The following SPATA17 variants were observed in gnomAD, a reference collection of about 807,000 sequenced individuals.
The protein encoded by SPATA17 is spermatogenesis associated 17.
SPATA17 carries 53 observed loss-of-function variants against 62.2 expected under a neutral mutation model. That is an observed-to-expected ratio of 0.85 (90% CI 0.68 to 1.07). The LOEUF is 1.07. Among genes scored for constraint, SPATA17 ranks in the 50% least tolerant of loss-of-function variants. The pLI is 0.00. For synonymous variants in SPATA17, 146 were observed against 146.8 expected, an observed-to-expected ratio of 0.99 and a Z score of 0.04; for missense variants, 466 against 425.5, an observed-to-expected ratio of 1.10 and a Z score of -0.84.
At chr1:217,705,812 C>T (rs1671720867) in intron 5 of SPATA17, among the ~76,000 whole-genome samples, 2 of 152,100 alleles carry the variant, frequency 1.3e-5, no homozygotes, top group South Asian at 4.1e-4. Context: ...GCATCTTATC[C>T]AGAATGGTAT....
chr1:217,819,627 T>C (rs143606975), intron 9 of SPATA17, among the ~76,000 whole-genome samples: 1 of 152,194 alleles, frequency 6.6e-6, no homozygotes, highest in African/African-American at 2.4e-5. Flanking sequence ...TCTCTCCCCT[T>C]GCATTTTACA....
chr1:217,766,720 CTT>C (rs71167423), intron 6 of SPATA17, among the ~76,000 whole-genome samples: 59,712 of 131,216 alleles, frequency 0.46, 13,468 homozygotes, highest in Non-Finnish European at 0.57. Context: ...ATATCGTTCT[CTT>C]TTTTTTTTTT....
At chr1:217,732,898 G>A (rs530501520) in intron 5 of SPATA17, among the ~76,000 whole-genome samples, 10 of 151,894 alleles carry the variant, frequency 6.6e-5, no homozygotes, top group African/African-American at 2.4e-4. Context: ...TCCTTTTACA[G>A]CAACTCTCTA....
intron 5 of SPATA17, among the ~76,000 whole-genome samples, chr1:217,724,172 G>C (rs897893359): frequency 2.0e-5 from 3 of 152,128 alleles, no homozygotes; most frequent in Non-Finnish European, 4.4e-5. Context: ...ATCTAAATAA[G>C]TTCTATCTAT....
intron 5 of SPATA17, among the ~76,000 whole-genome samples, chr1:217,736,288 A>G (rs1672508375): frequency 6.6e-6 from 1 of 152,126 alleles, no homozygotes; most frequent in Non-Finnish European, 1.5e-5. Context: ...AAACCTACAC[A>G]CTTATATGGA....
intron 5 of SPATA17, among the ~76,000 whole-genome samples, chr1:217,697,673 C>T (rs572235894): frequency 6.6e-6 from 1 of 151,670 alleles, no homozygotes; most frequent in South Asian, 2.1e-4. Flanking sequence ...TTTAGATTTT[C>T]TATAACTTTT....
intron 6 of SPATA17, among the ~76,000 whole-genome samples, chr1:217,746,243 T>C (rs949652125): frequency 6.6e-6 from 1 of 152,002 alleles, no homozygotes; most frequent in African/African-American, 2.4e-5. Context: ...AATATTCAAG[T>C]TTGAATAATT....
chr1:217,718,994 G>A (rs926588633), intron 5 of SPATA17, among the ~76,000 whole-genome samples: 8 of 152,202 alleles, frequency 5.3e-5, no homozygotes, highest in African/African-American at 1.9e-4. Flanking sequence ...GAACAAAGAA[G>A]CCAGAAGCCT....
Position 217,801,759 on chromosome 1 carries a change from T to C in SPATA17, c.914T>C (p.Ile305Thr), listed in dbSNP as rs773499344. Reference sequence around the variant, plus strand: ...TCATACCATAAAAATGAAAAGTACATCCCATCAATGCATTTATCAAGCAAG... The same window carrying C: ...TCATACCATAAAAATGAAAAGTACACCCCATCAATGCATTTATCAAGCAAG... ...FSSYHKNEKY[I>T]PSMHLSSKYG... The change falls in exon 9 of 11, where the codon ATC becomes ACC. Residue 305 changes from isoleucine (I) to threonine (T), a missense_variant. Physicochemically the swap from Ile to Thr is moderately conservative, Grantham distance 89 (BLOSUM62 -1). Coordinates refer to ENST00000366933, the MANE Select transcript of SPATA17 (RefSeq NM_138796.4). 1.9e-6 allele frequency: 3 copies of C among 1,609,872 alleles called. No homozygotes were observed. The highest frequency in any genetic ancestry group is 2.5e-6 in the Non-Finnish European group (3 of 1,178,404).
In SPATA17 at chr1:217,644,375, G is replaced by A. The variant is rs576423613; in HGVS notation, c.69-4507G>A. ...CCTTTAAGGAGCATGAAATCCTTAA[G>A]ACGTAGTAGTGAAATTATATGCAAA... On this transcript the variant is annotated intron_variant, in intron 1 of 10. Coordinates refer to ENST00000366933, the MANE Select transcript of SPATA17 (RefSeq NM_138796.4). Among the ~76,000 whole-genome samples the A allele has an allele frequency of 3.1e-4, 47 of 152,260 alleles. 1 individual carries two copies. Among genetic ancestry groups the A allele is most frequent in the African/African-American group, 9.6e-4 (40 of 41,552 alleles).
At chr1:217,666,362 T>C (rs756208036) in intron 3 of SPATA17, among the ~76,000 whole-genome samples, 7 of 152,156 alleles carry the variant, frequency 4.6e-5, no homozygotes, top group Non-Finnish European at 7.4e-5. Flanking sequence ...AGCCTTTCTA[T>C]GAGTTATATT....
At chr1:217,784,970 A>G (rs1411216180) in intron 8 of SPATA17, 2 of 152,174 alleles carry the variant, frequency 1.3e-5, no homozygotes, top group Non-Finnish European at 2.9e-5. Flanking sequence ...ACTGTATCAC[A>G]ATTTTGGAGG....
intron 5 of SPATA17, among the ~76,000 whole-genome samples, chr1:217,696,279 C>T (rs1671456278): frequency 6.6e-6 from 1 of 152,178 alleles, no homozygotes; most frequent in Non-Finnish European, 1.5e-5. Context: ...TCACCCCTTT[C>T]TTTGACTCCG....
At chr1:217,631,524 T>G (rs1228035765) in intron 1 of SPATA17, 78 bp downstream of exon 1, 5 of 1,382,020 alleles carry the variant, frequency 3.6e-6, no homozygotes, top group Non-Finnish European at 5.1e-6. Context: ...AGTTTCCAAT[T>G]AACGATTTAA....
chr1:217,810,712 G>A (rs1272289187), intron 9 of SPATA17, among the ~76,000 whole-genome samples: 2 of 152,134 alleles, frequency 1.3e-5, no homozygotes, highest in Non-Finnish European at 2.9e-5. Flanking sequence ...GCATGGCCGG[G>A]GAAGCCTCAG....
chr1:217,803,234 G>A (rs530844534), intron 9 of SPATA17, among the ~76,000 whole-genome samples: 2 of 152,158 alleles, frequency 1.3e-5, no homozygotes, highest in African/African-American at 2.4e-5. Flanking sequence ...AGTCCTTGAG[G>A]CATTCAGTAT....
chr1:217,763,927 C>A (rs1441034871), intron 6 of SPATA17, among the ~76,000 whole-genome samples: 1 of 152,080 alleles, frequency 6.6e-6, no homozygotes, highest in African/African-American at 2.4e-5. Flanking sequence ...TATTTTAGAG[C>A]AGTTTTAGAT....
At chr1:217,633,893 C>A (rs1258593516) in intron 1 of SPATA17, among the ~76,000 whole-genome samples, 1 of 152,138 alleles carries the variant, frequency 6.6e-6, no homozygotes, top group Non-Finnish European at 1.5e-5. Context: ...TCCTGTGAGG[C>A]CTGGAAGTCC....
intron 8 of SPATA17, among the ~76,000 whole-genome samples, chr1:217,788,545 A>G (rs10746372): frequency 0.28 from 42,218 of 151,996 alleles, 6,301 homozygotes; most frequent in East Asian, 0.52. Context: ...GGTCCTTAAA[A>G]ATGGAAGAGG....
Sources: allele counts gnomAD v4.1 joint callset (sites outside exome capture counted in the v4.1 genomes callset), GRCh38; gene constraint gnomAD v4.1.1; transcripts MANE v1.5; gene names NCBI Gene and HGNC (gene_info 2026-07-23, HGNC 2026-07-21).